ROBO2: variants seen among roughly 807,000 people sequenced by gnomAD.
ROBO2 encodes the protein roundabout homolog 2.
Under a neutral mutation model 160.8 loss-of-function variants are expected in ROBO2, and 53 were observed. That is an observed-to-expected ratio of 0.33 (90% CI 0.26 to 0.41). The LOEUF (loss-of-function observed/expected upper bound fraction) is 0.41, where lower values mean the gene tolerates loss of function less well. ROBO2 is among the 10% of genes least tolerant of loss of function. The pLI is 1.00. For missense variants in ROBO2, 1,577 were observed against 1,722.4 expected (o/e 0.92, Z 1.49); for synonymous variants, 664 against 611.7 (o/e 1.09, Z -1.26).
chr3:77,491,210 G>A (rs1348138368), intron 4 of ROBO2, among the ~76,000 whole-genome samples: 2 of 152,132 alleles, frequency 1.3e-5, no homozygotes, highest in African/African-American at 4.8e-5. Flanking sequence ...AACATGTGCT[G>A]AATGAGTCAG....
chr3:76,271,573 A>G (rs1328917612), intron 2 of ROBO2, among the ~76,000 whole-genome samples: 1 of 151,160 alleles, frequency 6.6e-6, no homozygotes, highest in Non-Finnish European at 1.5e-5. Flanking sequence ...AGATCAATGA[A>G]TAAACTAATT....
chr3:76,435,436 G>A, intron 2 of ROBO2: 1 of 772,264 alleles, frequency 1.3e-6, no homozygotes. Context: ...TAGGCAAAGT[G>A]TCTCTGGGTT....
At chr3:76,718,864 A>T (rs1167409138) in intron 2 of ROBO2, among the ~76,000 whole-genome samples, 2 of 152,208 alleles carry the variant, frequency 1.3e-5, no homozygotes, top group Non-Finnish European at 2.9e-5. Context: ...ACTTACTTTT[A>T]TTGAAAACAT....
At chr3:76,998,156 A>C (rs2061131907) in intron 2 of ROBO2, among the ~76,000 whole-genome samples, 1 of 152,210 alleles carries the variant, frequency 6.6e-6, no homozygotes, top group African/African-American at 2.4e-5. Context: ...AACCTGACAC[A>C]GTACATAGTT....
At chr3:76,401,252 T>A (rs1461205043) in intron 2 of ROBO2, among the ~76,000 whole-genome samples, 1 of 151,494 alleles carries the variant, frequency 6.6e-6, no homozygotes, top group Non-Finnish European at 1.5e-5. Flanking sequence ...CACCAAGATT[T>A]GGAGAATGTT....
chr3:77,602,324 A>G lies in ROBO2; in HGVS notation c.2969A>G (p.Gln990Arg). ...AAAACCAGTTACAACAGTTCCAGCC[A>G]AATAACACAGGCTACCCCATATGCC... Residue 990 changes from glutamine to arginine, a missense_variant, in exon 20 of 26, where the codon CAA (glutamine) becomes CGA (arginine). Physicochemically the swap from Gln to Arg is conservative, Grantham distance 43. Transcript: ENST00000461745. The G allele has an allele frequency of 6.2e-7, 1 of 1,614,160 alleles. No homozygotes were observed. Among genetic ancestry groups the G allele is most frequent in the Non-Finnish European group, 8.5e-7 (1 of 1,180,020 alleles).
intron 2 of ROBO2, among the ~76,000 whole-genome samples, chr3:76,170,421 G>A (rs901127559): frequency 1.3e-5 from 2 of 152,126 alleles, no homozygotes; most frequent in South Asian, 2.1e-4. Context: ...GTGTTTTTCT[G>A]TCTAGAAGCC....
intron 2 of ROBO2, among the ~76,000 whole-genome samples, chr3:77,098,753 G>A (rs1351756582): frequency 2.0e-5 from 3 of 152,078 alleles, no homozygotes; most frequent in African/African-American, 4.8e-5. Context: ...CTACTCGGGA[G>A]GCTGAGGCAG....
intron 2 of ROBO2, among the ~76,000 whole-genome samples, chr3:76,905,615 A>C (rs1166994): frequency 0.66 from 100,303 of 151,768 alleles, 33,343 homozygotes; most frequent in Middle Eastern, 0.81. Context: ...CTTTCTGGGG[A>C]TTACCTCATT....
At chr3:76,626,818 G>T (rs146636841) in intron 2 of ROBO2, among the ~76,000 whole-genome samples, 1 of 151,784 alleles carries the variant, frequency 6.6e-6, no homozygotes, top group Non-Finnish European at 1.5e-5. Flanking sequence ...TCAGCCTCCC[G>T]AGTAGCTGGG....
At chr3:76,207,450 T>C (rs144021209) in intron 2 of ROBO2, among the ~76,000 whole-genome samples, 2,029 of 152,274 alleles carry the variant, frequency 0.013, 54 homozygotes, top group African/African-American at 0.046. Flanking sequence ...AGTATGTTTA[T>C]CATTGCTATC....
At chr3:76,385,234 A>AT (rs2076826961) in intron 2 of ROBO2, among the ~76,000 whole-genome samples, 1 of 152,164 alleles carries the variant, frequency 6.6e-6, no homozygotes. Flanking sequence ...GACTCAAGGC[A>AT]TACACCCACC....
intron 2 of ROBO2, among the ~76,000 whole-genome samples, chr3:76,492,142 C>G (rs1182251453): frequency 6.6e-6 from 1 of 151,898 alleles, no homozygotes; most frequent in Admixed American, 6.6e-5. Flanking sequence ...AAAACACCCC[C>G]AAAACTTAAT....
chr3:76,073,527 G>A (rs1418810844), intron 2 of ROBO2, among the ~76,000 whole-genome samples: 1 of 151,626 alleles, frequency 6.6e-6, no homozygotes, highest in Admixed American at 6.6e-5. Flanking sequence ...TCCTGACCTC[G>A]TGATCCACCC....
intron 2 of ROBO2, among the ~76,000 whole-genome samples, chr3:76,796,314 A>G (rs920554273): frequency 6.6e-6 from 1 of 152,030 alleles, no homozygotes; most frequent in Non-Finnish European, 1.5e-5. Context: ...ACTTTCATCA[A>G]TGTTCTTAGC....
intron 2 of ROBO2, among the ~76,000 whole-genome samples, chr3:76,992,078 C>A (rs192498202): frequency 9.4e-4 from 143 of 151,952 alleles, no homozygotes; most frequent in African/African-American, 3.3e-3. Flanking sequence ...GAACATAGAC[C>A]TTGTTCCAAG....
chr3:77,296,357 A>C (rs1580828350), intron 2 of ROBO2, among the ~76,000 whole-genome samples: 1 of 152,168 alleles, frequency 6.6e-6, no homozygotes, highest in African/African-American at 2.4e-5. Flanking sequence ...CATAAAGTAA[A>C]ATTGACGGTT....
At chr3:77,612,936 G>C (rs12497137) in intron 21 of ROBO2, among the ~76,000 whole-genome samples, 5,715 of 152,034 alleles carry the variant, frequency 0.038, 194 homozygotes, top group African/African-American at 0.089. Flanking sequence ...CTGGGTGACA[G>C]AGCGAGACTC....
intron 2 of ROBO2, among the ~76,000 whole-genome samples, chr3:75,991,941 A>G (rs961048713): frequency 1.3e-5 from 2 of 152,148 alleles, no homozygotes; most frequent in African/African-American, 4.8e-5. Flanking sequence ...AGATTTGTGG[A>G]ACTTTGAACT....
Sources: gnomAD v4.1 joint callset for allele counts (sites outside exome capture counted in the v4.1 genomes callset) on GRCh38, gnomAD v4.1.1 for gene constraint, MANE v1.5 for transcripts, NCBI Gene and HGNC (gene_info 2026-07-23, HGNC 2026-07-21) for gene names.